ZNF609: variants seen among roughly 807,000 people sequenced by gnomAD.
The protein encoded by ZNF609 is zinc finger protein 609.
Under a neutral mutation model 109.5 loss-of-function variants are expected in ZNF609, and 11 were observed. The observed-to-expected ratio is 0.10, with a 90% CI of 0.06 to 0.17. ZNF609 has a LOEUF of 0.17. Among genes scored for constraint, ZNF609 ranks in the 10% least tolerant of loss-of-function variants. ZNF609 has a pLI of 1.00. For missense variants in ZNF609, 1,559 were observed against 1,772.4 expected, an observed-to-expected ratio of 0.88 and a Z score of 2.16; for synonymous variants, 646 against 662.0, an observed-to-expected ratio of 0.98 and a Z score of 0.37.
At chr15:64,577,608 CAT>C (rs1295804273) in intron 2 of ZNF609, among the ~76,000 whole-genome samples, 7 of 13,218 alleles carry the variant, frequency 5.3e-4, no homozygotes, top group African/African-American at 1.1e-3. Flanking sequence ...TAAATATATA[CAT>C]ATATATGTGT....
At chr15:64,662,971 A>G (rs1002498511) in intron 3 of ZNF609, among the ~76,000 whole-genome samples, 5 of 152,004 alleles carry the variant, frequency 3.3e-5, no homozygotes, top group African/African-American at 1.2e-4. Flanking sequence ...TTGGCTAACT[A>G]ATAACTATTT....
At chr15:64,549,907 G>A (rs1039535122) in intron 2 of ZNF609, among the ~76,000 whole-genome samples, 1 of 151,888 alleles carries the variant, frequency 6.6e-6, no homozygotes, top group Admixed American at 6.6e-5. Context: ...TACATTAGTC[G>A]CCCAAGTAGT....
Position 64,680,675 on chromosome 15 carries a change from T to C in ZNF609, c.3975T>C (p.Asp1325=). The stretch of plus-strand genomic sequence containing the variant: ...GTGATAAAACTTCTCAGGAGAGAGA[T>C]CGAGGAGGCTGTGGGGTGGTTGGGG... ...TISDKTSQER[D]RGGCGVVGGG... is the part of the protein sequence containing the mutation. Residue 1325 remains aspartate (D), a synonymous_variant, in exon 8 of 10, where the codon GAT becomes GAC. Transcript: ENST00000326648. 6.2e-7 allele frequency: 1 copy of C among 1,606,002 alleles called. No homozygotes were observed. Among genetic ancestry groups the C allele is most frequent in the Non-Finnish European group, 8.5e-7 (1 of 1,176,028 alleles).
chr15:64,654,567 C>T lies in ZNF609; in HGVS notation c.974-15779C>T, dbSNP rs76190623. 6.1e-3 allele frequency among the ~76,000 whole-genome samples: 927 copies of T among 152,200 alleles called. 9 individuals are homozygous for T. The highest frequency in any genetic ancestry group is 0.021 in the African/African-American group (871 of 41,528). On this transcript the variant is annotated intron_variant, in intron 3 of 9. Transcript: ENST00000326648. ...CCTTCCATCTCTTCCTCCCAAAGTACTCTGTTCTCATCTACTGCCTGATAG... is the reference window on the plus strand; with the variant it reads ...CCTTCCATCTCTTCCTCCCAAAGTATTCTGTTCTCATCTACTGCCTGATAG...
chr15:64,488,919 AAAGAAAG>A (rs760559371), intron 1 of ZNF609, among the ~76,000 whole-genome samples: 41,865 of 131,836 alleles, frequency 0.32, 7,850 homozygotes, highest in Non-Finnish European at 0.42. Context: ...CAAAAAAAAG[AAAGAAAG>A]AAAGAAAGAA....
chr15:64,680,816 G>A lies in ZNF609; in HGVS notation c.4116G>A (p.Leu1372=), dbSNP rs373677632. 44 of 1,612,994 alleles carry A rather than the reference G, an allele frequency of 2.7e-5. No homozygotes were observed. Among genetic ancestry groups the A allele is most frequent in the Middle Eastern group, 1.6e-4 (1 of 6,084 alleles). The part of the protein sequence containing the change: ...LMSTHHHHHH[L]GYSLLPAQYN... ...CCACACACCACCACCACCACCACTT[G>A]GGGTACTCATTGCTCCCAGCACAGT... The change falls in exon 8 of 10, where the codon TTG becomes TTA. Residue 1372 remains leucine (L), a synonymous_variant. Transcript: ENST00000326648.
At chr15:64,642,050 G>A (rs2140990927) in intron 3 of ZNF609, among the ~76,000 whole-genome samples, 1 of 152,284 alleles carries the variant, frequency 6.6e-6, no homozygotes, top group South Asian at 2.1e-4. Context: ...AGATGTTGCT[G>A]TTAATCTGAT....
Position 64,548,043 on chromosome 15 carries a change from A to G in ZNF609, c.747+47877A>G, listed in dbSNP as rs116214671. Among the ~76,000 whole-genome samples, 1,290 of 152,354 alleles carry G rather than the reference A, an allele frequency of 8.5e-3. 20 individuals carry two copies. Among genetic ancestry groups the G allele is most frequent in the African/African-American group, 0.03 (1,239 of 41,580 alleles). ...TTGATGAGGATTATCTCAAGTTTAC[A>G]TATGTATTCCCCAGTGATTCTTTTC... On this transcript the variant is annotated intron_variant, in intron 2 of 9. Coordinates refer to ENST00000326648, the MANE Select transcript of ZNF609 (RefSeq NM_015042.2).
chr15:64,494,812 A>G (rs1342582112), intron 1 of ZNF609, among the ~76,000 whole-genome samples: 1 of 152,174 alleles, frequency 6.6e-6, no homozygotes, highest in African/African-American at 2.4e-5. Flanking sequence ...GGCATGAGCC[A>G]CCTTGCCTGG....
intron 2 of ZNF609, chr15:64,529,261 G>T: frequency 1.4e-6 from 1 of 713,576 alleles, no homozygotes. Context: ...TACTTCTCAT[G>T]GTTCACGCCC....
intron 2 of ZNF609, among the ~76,000 whole-genome samples, chr15:64,562,539 A>G (rs759767347): frequency 2.6e-5 from 4 of 152,270 alleles, no homozygotes. Flanking sequence ...ACCGGGCTCA[A>G]TTTATTAGTA....
chr15:64,674,985 A>T lies in ZNF609; in HGVS notation c.2131A>T (p.Met711Leu). ...LKPIQPKPTV[M>L]GEPFTVNPAL... is the part of the protein sequence containing the mutation. ...GCCCATTCAGCCCAAGCCCACTGTT[A>T]TGGGAGAACCTTTCACAGTCAACCC... Residue 711 changes from methionine to leucine, a missense_variant, in exon 5 of 10, where the codon ATG becomes TTG. Transcript: ENST00000326648. The T allele has an allele frequency of 6.2e-7, 1 of 1,614,122 alleles. No individual in the cohort carries two copies. The highest frequency in any genetic ancestry group is 8.5e-7 in the Non-Finnish European group (1 of 1,180,032).
At chr15:64,557,730 T>C (rs1894612396) in intron 2 of ZNF609, among the ~76,000 whole-genome samples, 1 of 152,194 alleles carries the variant, frequency 6.6e-6, no homozygotes, top group Admixed American at 6.5e-5. Context: ...GGAGTCTCGC[T>C]CTGTCGCCCA....
intron 8 of ZNF609, 35 bp from the exon 9 acceptor site, chr15:64,681,274 G>A (rs752128688): frequency 1.3e-6 from 2 of 1,581,994 alleles, no homozygotes; most frequent in South Asian, 2.2e-5. Flanking sequence ...AGGTTTCTGT[G>A]AGTGCTACAC....
intron 1 of ZNF609, among the ~76,000 whole-genome samples, chr15:64,479,048 A>G (rs1893212033): frequency 6.6e-6 from 1 of 152,148 alleles, no homozygotes; most frequent in Admixed American, 6.5e-5. Context: ...GGTTTGTGTT[A>G]GTAGGCCCTT....
chr15:64,642,038 A>G (rs1026761489), intron 3 of ZNF609, among the ~76,000 whole-genome samples: 1 of 152,172 alleles, frequency 6.6e-6, no homozygotes, highest in African/African-American at 2.4e-5. Context: ...ATAAAAACCT[A>G]GAGATGTTGC....
At chr15:64,504,299 A>G (rs1159627331) in intron 2 of ZNF609, among the ~76,000 whole-genome samples, 1 of 152,216 alleles carries the variant, frequency 6.6e-6, no homozygotes, top group East Asian at 1.9e-4. Context: ...CATTTTATAG[A>G]AGAAACTAAG....
At chr15:64,579,248 G>C (rs1895053654) in intron 2 of ZNF609, among the ~76,000 whole-genome samples, 1 of 151,788 alleles carries the variant, frequency 6.6e-6, no homozygotes, top group South Asian at 2.1e-4. Context: ...ACAAAAAGAA[G>C]TGATGGTACA....
intron 2 of ZNF609, among the ~76,000 whole-genome samples, chr15:64,617,367 G>A (rs187864210): frequency 2.7e-4 from 41 of 151,916 alleles, no homozygotes; most frequent in Middle Eastern, 3.4e-3. Context: ...GGTGGTGCAC[G>A]TGTAGTCCCA....
Sources: gnomAD v4.1 joint callset for allele counts (sites outside exome capture counted in the v4.1 genomes callset) on GRCh38, gnomAD v4.1.1 for gene constraint, MANE v1.5 for transcripts, NCBI Gene and HGNC (gene_info 2026-07-23, HGNC 2026-07-21) for gene names.